The following NXPH2 variants were observed in gnomAD, a reference collection of about 807,000 sequenced individuals.
NXPH2 encodes neurexophilin-2.
Under a neutral mutation model 19.8 loss-of-function variants are expected in NXPH2, and 5 were observed. The observed-to-expected ratio is 0.25, with a 90% CI of 0.13 to 0.53. The LOEUF (loss-of-function observed/expected upper bound fraction) is 0.53, where lower values mean the gene tolerates loss of function less well. Among genes scored for constraint, NXPH2 ranks in the 20% least tolerant of loss-of-function variants. The pLI is 0.96. For missense variants in NXPH2, 289 were observed against 322.8 expected (o/e 0.90, Z 0.80); for synonymous variants, 154 against 127.4 (o/e 1.21, Z -1.41).
rs1681469523 is a variant in NXPH2, at chr2:138,732,627, GC to G, written c.51+47563del. Among the ~76,000 whole-genome samples the G allele has an allele frequency of 3.3e-5, 5 of 152,166 alleles. No individual in the cohort carries two copies. The South Asian group carries it at 1.0e-3, about 32-fold the overall frequency. Reference sequence around the variant, plus strand: ...GCTCTTCTCCTGACTTGTCACCTTGGCTTTACAAGACACGCTAAGGTTTTTT... The same window carrying G: ...GCTCTTCTCCTGACTTGTCACCTTGGTTTACAAGACACGCTAAGGTTTTTT... On this transcript the variant is annotated intron_variant, in intron 1 of 1. Transcript: ENST00000272641.
At chr2:138,719,512 T>C (rs1681243851) in intron 1 of NXPH2, among the ~76,000 whole-genome samples, 1 of 152,192 alleles carries the variant, frequency 6.6e-6, no homozygotes, top group African/African-American at 2.4e-5. Context: ...ATTACAAAGG[T>C]AATTTTCTTA....
intron 1 of NXPH2, among the ~76,000 whole-genome samples, chr2:138,705,948 C>A (rs1171045497): frequency 6.6e-6 from 1 of 152,162 alleles, no homozygotes; most frequent in Non-Finnish European, 1.5e-5. Flanking sequence ...GATCCTGTTC[C>A]TTCATATTCC....
At chr2:138,750,570 A>T (rs1189393915) in intron 1 of NXPH2, among the ~76,000 whole-genome samples, 1 of 152,202 alleles carries the variant, frequency 6.6e-6, no homozygotes, top group Non-Finnish European at 1.5e-5. Context: ...TTTATTCAGC[A>T]AATATTTATT....
At chr2:138,705,157 T>A (rs1268171613) in intron 1 of NXPH2, among the ~76,000 whole-genome samples, 2 of 151,826 alleles carry the variant, frequency 1.3e-5, no homozygotes, top group Non-Finnish European at 2.9e-5. Context: ...AGAGATGGAG[T>A]CTCGATACGT....
chr2:138,764,644 ACTAT>A (rs201627582), intron 1 of NXPH2, among the ~76,000 whole-genome samples: 1 of 152,114 alleles, frequency 6.6e-6, no homozygotes, highest in Non-Finnish European at 1.5e-5. Context: ...ATATAATAGG[ACTAT>A]CTATCTATCT....
At chr2:138,750,873 G>T (rs796377871) in intron 1 of NXPH2, among the ~76,000 whole-genome samples, 1 of 152,050 alleles carries the variant, frequency 6.6e-6, no homozygotes, top group African/African-American at 2.4e-5. Context: ...TTGGAGGTGG[G>T]ACCTGGTAGG....
intron 1 of NXPH2, among the ~76,000 whole-genome samples, chr2:138,752,173 T>G (rs1681838181): frequency 6.6e-6 from 1 of 152,128 alleles, no homozygotes; most frequent in Non-Finnish European, 1.5e-5. Flanking sequence ...CACTCAAATC[T>G]TATTTACTAG....
intron 1 of NXPH2, among the ~76,000 whole-genome samples, chr2:138,778,943 G>A (rs997671910): frequency 3.3e-5 from 5 of 152,130 alleles, no homozygotes; most frequent in Non-Finnish European, 5.9e-5. Context: ...AATCTCCACC[G>A]TAACAAGCAT....
intron 1 of NXPH2, among the ~76,000 whole-genome samples, chr2:138,779,114 G>T (rs533370764): frequency 2.1e-4 from 32 of 152,338 alleles, no homozygotes; most frequent in African/African-American, 7.7e-4. Flanking sequence ...GAGAACGAGA[G>T]AGAGAGCGAG....
chr2:138,671,098 G>A lies in NXPH2; in HGVS notation c.619C>T (p.Pro207Ser). 6.2e-7 allele frequency: 1 copy of A among 1,613,884 alleles called. No individual in the cohort carries two copies. Among genetic ancestry groups the A allele is most frequent in the Non-Finnish European group, 8.5e-7 (1 of 1,179,844 alleles). The part of the protein sequence containing the change: ...AKKTALCNFD[P>S]SKICYQEQTQ... ...TGCTCCTGGTAGCAGATCTTGGATG[G>A]GTCAAAGTTGCACAGGGCGGTCTTT... is the stretch of plus-strand genomic sequence containing the variant. Residue 207 changes from proline to serine, a missense_variant, in exon 2 of 2, where the codon CCA (proline) becomes TCA (serine). By Grantham distance (74) the Pro-to-Ser change is moderately conservative (BLOSUM62 -1). Transcript: ENST00000272641.
intron 1 of NXPH2, among the ~76,000 whole-genome samples, chr2:138,733,218 T>C (rs568549407): frequency 1.3e-5 from 2 of 152,314 alleles, no homozygotes; most frequent in East Asian, 3.9e-4. Flanking sequence ...GAATAAAAAG[T>C]TTCTGAGATC....
At chr2:138,711,615 T>C (rs1681107126) in intron 1 of NXPH2, among the ~76,000 whole-genome samples, 1 of 152,118 alleles carries the variant, frequency 6.6e-6, no homozygotes, top group Admixed American at 6.5e-5. Context: ...CTCAAACCTA[T>C]CAATTGTTCT....
intron 1 of NXPH2, among the ~76,000 whole-genome samples, chr2:138,764,757 T>C (rs150601777): frequency 9.2e-5 from 14 of 152,316 alleles, no homozygotes; most frequent in African/African-American, 3.4e-4. Context: ...TTAGCTTTGC[T>C]CTTCCCAGTA....
At chr2:138,741,137 T>A (rs1681636155) in intron 1 of NXPH2, among the ~76,000 whole-genome samples, 1 of 152,162 alleles carries the variant, frequency 6.6e-6, no homozygotes, top group Non-Finnish European at 1.5e-5. Context: ...AGAAAGGGAA[T>A]GAAAACACCT....
chr2:138,726,559 C>CA (rs1223097940), intron 1 of NXPH2, among the ~76,000 whole-genome samples: 4 of 141,556 alleles, frequency 2.8e-5, no homozygotes, highest in Non-Finnish European at 4.7e-5. Flanking sequence ...CACACACACA[C>CA]CCTCCAACAT....
At chr2:138,735,825 T>C (rs945331722) in intron 1 of NXPH2, among the ~76,000 whole-genome samples, 1 of 152,042 alleles carries the variant, frequency 6.6e-6, no homozygotes, top group African/African-American at 2.4e-5. Flanking sequence ...CAATGGGGGG[T>C]ACAGGCATTG....
At chr2:138,719,872 T>G (rs1681249756) in intron 1 of NXPH2, among the ~76,000 whole-genome samples, 1 of 152,244 alleles carries the variant, frequency 6.6e-6, no homozygotes, top group African/African-American at 2.4e-5. Flanking sequence ...TATACGTTTC[T>G]TGGTTTGATT....
chr2:138,752,130 T>C (rs892978671), intron 1 of NXPH2, among the ~76,000 whole-genome samples: 3 of 152,198 alleles, frequency 2.0e-5, no homozygotes, highest in African/African-American at 4.8e-5. Context: ...TAAGGCAATG[T>C]AAAGAGAGAA....
At chr2:138,777,246 G>A (rs1312372554) in intron 1 of NXPH2, among the ~76,000 whole-genome samples, 2 of 152,022 alleles carry the variant, frequency 1.3e-5, no homozygotes, top group Non-Finnish European at 2.9e-5. Context: ...CATTTCAAAT[G>A]CTAATTTTTT....
Sources: gnomAD v4.1 joint callset for allele counts (sites outside exome capture counted in the v4.1 genomes callset) on GRCh38, gnomAD v4.1.1 for gene constraint, MANE v1.5 for transcripts, NCBI Gene and HGNC (gene_info 2026-07-23, HGNC 2026-07-21) for gene names.